The following GNAO1 variants were observed in gnomAD, a reference collection of about 807,000 sequenced individuals.
GNAO1 encodes guanine nucleotide-binding protein G(o) subunit alpha.
For synonymous variants in GNAO1, 164 were observed against 180.7 expected (o/e 0.91, Z 0.74); for missense variants, 166 against 478.7 (o/e 0.35, Z 6.10).
chr16:56,313,951 G>C (rs1475250394), intron 3 of GNAO1, among the ~76,000 whole-genome samples: 1 of 148,916 alleles, frequency 6.7e-6, no homozygotes, highest in Non-Finnish European at 1.5e-5. Flanking sequence ...TGCCTGTGCT[G>C]GTCAATGACC....
chr16:56,277,776 T>TACAC (rs60891936), intron 3 of GNAO1, among the ~76,000 whole-genome samples: 1,867 of 108,136 alleles, frequency 0.017, 73 homozygotes, highest in East Asian at 0.027. Context: ...GCACACCCCC[T>TACAC]ACACACACAC....
chr16:56,223,265 G>C (rs1191246577), intron 2 of GNAO1, among the ~76,000 whole-genome samples: 1 of 152,148 alleles, frequency 6.6e-6, no homozygotes, highest in Non-Finnish European at 1.5e-5. Context: ...TGGAAACCGA[G>C]GGCTGTTCCC....
intron 1 of GNAO1, 64 bp downstream of exon 1, chr16:56,192,417 C>G: frequency 9.7e-7 from 1 of 1,028,402 alleles, no homozygotes; most frequent in Non-Finnish European, 1.5e-6. Context: ...CTGCCACCAG[C>G]TCCCCCACCC....
chr16:56,297,906 C>T (rs962607131), intron 3 of GNAO1, among the ~76,000 whole-genome samples: 2 of 152,184 alleles, frequency 1.3e-5, no homozygotes, highest in Non-Finnish European at 2.9e-5. Flanking sequence ...TGCTGGCTCA[C>T]GCCCATAATC....
intron 2 of GNAO1, among the ~76,000 whole-genome samples, chr16:56,249,343 C>T (rs1192271496): frequency 6.6e-6 from 1 of 152,168 alleles, no homozygotes; most frequent in African/African-American, 2.4e-5. Context: ...TGCTACGACA[C>T]CGTTTCCTTC....
intron 3 of GNAO1, among the ~76,000 whole-genome samples, chr16:56,286,761 C>G (rs750994821): frequency 3.8e-4 from 57 of 151,928 alleles, no homozygotes; most frequent in Admixed American, 9.8e-4. Flanking sequence ...CTGTCTGTCT[C>G]TCTCTCTCAT....
intron 2 of GNAO1, among the ~76,000 whole-genome samples, chr16:56,221,066 A>C (rs2036481457): frequency 6.6e-6 from 1 of 152,050 alleles, no homozygotes; most frequent in African/African-American, 2.4e-5. Context: ...GTTTTAATAA[A>C]AGAGCTCAAG....
intron 2 of GNAO1, among the ~76,000 whole-genome samples, chr16:56,202,126 A>C (rs1343397246): frequency 3.3e-5 from 5 of 152,194 alleles, no homozygotes; most frequent in African/African-American, 1.2e-4. Flanking sequence ...TGAGAAATGA[A>C]AAAGAAAACC....
At chr16:56,236,298 ACTGTATCTTTT>A (rs1325622887) in intron 2 of GNAO1, among the ~76,000 whole-genome samples, 2 of 152,178 alleles carry the variant, frequency 1.3e-5, no homozygotes, top group African/African-American at 2.4e-5. Context: ...GCCTGGGTTA[ACTGTATCTTTT>A]CTAGTCCCTT....
chr16:56,235,919 A>G (rs2036633176), intron 2 of GNAO1, among the ~76,000 whole-genome samples: 1 of 152,202 alleles, frequency 6.6e-6, no homozygotes, highest in African/African-American at 2.4e-5. Context: ...TGGGCATTTT[A>G]TGTACACGAC....
chr16:56,346,173 G>T (rs914555796), intron 6 of GNAO1: 11 of 985,348 alleles, frequency 1.1e-5, no homozygotes, highest in Non-Finnish European at 1.1e-5. Flanking sequence ...GTCCTCAGGG[G>T]TATCCGGGGA....
intron 2 of GNAO1, among the ~76,000 whole-genome samples, chr16:56,211,149 G>A (rs1424406470): frequency 1.3e-5 from 2 of 152,134 alleles, no homozygotes; most frequent in African/African-American, 4.8e-5. Flanking sequence ...AGCCAGGTGG[G>A]GAGTAGGAAA....
intron 3 of GNAO1, among the ~76,000 whole-genome samples, chr16:56,288,048 T>C (rs1053278122): frequency 6.6e-6 from 1 of 152,172 alleles, no homozygotes; most frequent in Admixed American, 6.5e-5. Flanking sequence ...TAGGGCCGCC[T>C]ATGACTCTGT....
At chr16:56,234,435 G>T (rs1056757317) in intron 2 of GNAO1, among the ~76,000 whole-genome samples, 14 of 152,242 alleles carry the variant, frequency 9.2e-5, no homozygotes, top group Admixed American at 2.6e-4. Context: ...GCCTGCAGCT[G>T]AATACTGTCT....
intron 2 of GNAO1, among the ~76,000 whole-genome samples, chr16:56,207,640 C>T (rs1231096012): frequency 6.6e-6 from 1 of 152,112 alleles, no homozygotes; most frequent in African/African-American, 2.4e-5. Flanking sequence ...GAGCACTCAC[C>T]ATATGTTCAA....
At chr16:56,229,283 C>T (rs531681554) in intron 2 of GNAO1, among the ~76,000 whole-genome samples, 7 of 152,276 alleles carry the variant, frequency 4.6e-5, no homozygotes, top group South Asian at 2.1e-4. Flanking sequence ...CAGCTCACTG[C>T]GACTTCCACC....
At chr16:56,287,171 G>A (rs1256488195) in intron 3 of GNAO1, among the ~76,000 whole-genome samples, 4 of 152,254 alleles carry the variant, frequency 2.6e-5, no homozygotes, top group Non-Finnish European at 1.5e-5. Context: ...GCCGCAGCAG[G>A]GGGCCAGGGA....
intron 6 of GNAO1, chr16:56,345,878 G>A (rs972033593): frequency 1.4e-5 from 14 of 985,322 alleles, no homozygotes; most frequent in African/African-American, 5.2e-5. Context: ...TGCTGGCCAC[G>A]CCCCACCTCT....
At chr16:56,305,172 C>T (rs1012371076) in intron 3 of GNAO1, among the ~76,000 whole-genome samples, 7 of 152,290 alleles carry the variant, frequency 4.6e-5, no homozygotes, top group South Asian at 2.1e-4. Flanking sequence ...GAGATGGTAC[C>T]TAGTGCCCAT....
Sources: gnomAD v4.1 joint callset for allele counts (sites outside exome capture counted in the v4.1 genomes callset) on GRCh38, gnomAD v4.1.1 for gene constraint, MANE v1.5 for transcripts, NCBI Gene and HGNC (gene_info 2026-07-23, HGNC 2026-07-21) for gene names.